The following COBLL1 variants were observed in gnomAD, a reference collection of about 807,000 sequenced individuals.
COBLL1 encodes cordon-bleu WH2 repeat protein like 1, also known as cordon-bleu protein-like 1.
In COBLL1, 50 loss-of-function variants were observed where a neutral mutation model predicts 94.8. The observed-to-expected ratio is 0.53, with a 90% CI of 0.42 to 0.67. COBLL1 has a LOEUF of 0.67. COBLL1 is among the 30% of genes least tolerant of loss of function. The pLI, the probability that COBLL1 is intolerant of heterozygous loss-of-function variation, is 0.00. For synonymous variants in COBLL1, 448 were observed against 473.8 expected, an observed-to-expected ratio of 0.95 and a Z score of 0.71; for missense variants, 1,362 against 1,348.7, an observed-to-expected ratio of 1.01 and a Z score of -0.15.
chr2:164,665,241 GA>G (rs1691136459), intron 2 of COBLL1, among the ~76,000 whole-genome samples: 1 of 149,898 alleles, frequency 6.7e-6, no homozygotes, highest in South Asian at 2.1e-4. Flanking sequence ...TGAGACATGA[GA>G]ATCATTTGAA....
chr2:164,693,245 T>C (rs1450437263), intron 12 of COBLL1, among the ~76,000 whole-genome samples: 1 of 152,150 alleles, frequency 6.6e-6, no homozygotes, highest in Non-Finnish European at 1.5e-5. Flanking sequence ...AAGTAAAGAA[T>C]TAATCTTTGT....
At chr2:164,753,014 C>G (rs765020310) in intron 2 of COBLL1, among the ~76,000 whole-genome samples, 4 of 152,154 alleles carry the variant, frequency 2.6e-5, no homozygotes, top group Non-Finnish European at 5.9e-5. Flanking sequence ...AGTGGCTGCA[C>G]TAATTTACAA....
Position 164,722,435 on chromosome 2 carries a change from T to C in COBLL1, c.749A>G (p.Lys250Arg). 6.6e-7 allele frequency: 1 copy of C among 1,523,686 alleles called. No individual in the cohort carries two copies. The highest frequency in any genetic ancestry group is 8.8e-7 in the Non-Finnish European group (1 of 1,136,552). 94.4% of individuals were successfully genotyped at this position (1,523,686 alleles called of 1,614,324 possible). A position where few individuals can be genotyped will look rare whatever the true frequency, so the allele number is the denominator to read the frequency against. Residue 250 changes from lysine (K) to arginine (R), a missense_variant, in exon 6 of 14, where the codon AAG becomes AGG. Transcript: ENST00000652658. ...TAAGAAAATACTTACTTGGTCTCGCTTTTTCTTACTGCGTTGAAAAAAACT... is the reference window on the plus strand; with the variant it reads ...TAAGAAAATACTTACTTGGTCTCGCCTTTTCTTACTGCGTTGAAAAAAACT... ...FFSFFQRSKK[K>R]RDQTASAPAT...
chr2:164,714,154 AACACACAC>A lies in COBLL1; in HGVS notation c.996+7913_996+7920del, dbSNP rs10563101. The stretch of plus-strand genomic sequence containing the variant: ...CCCTTGTCTAGGCACAATAGAAAGA[AACACACAC>A]ACACACACACACACACACATTAAAA... On this transcript the variant is annotated intron_variant, in intron 7 of 13. Coordinates refer to ENST00000652658, the MANE Select transcript of COBLL1 (RefSeq NM_001365672.2). 3.7e-3 allele frequency among the ~76,000 whole-genome samples: 550 copies of A among 148,472 alleles called. 2 individuals are homozygous for A. Among genetic ancestry groups the A allele is most frequent in the Admixed American group, 7.2e-3 (107 of 14,768 alleles).
At chr2:164,716,379 T>A (rs1685172330) in intron 7 of COBLL1, among the ~76,000 whole-genome samples, 1 of 152,130 alleles carries the variant, frequency 6.6e-6, no homozygotes, top group Admixed American at 6.6e-5. Context: ...AAATCATATT[T>A]AAAAAATGCT....
At chr2:164,783,557 C>G (rs1330624179) in intron 2 of COBLL1, among the ~76,000 whole-genome samples, 1 of 152,068 alleles carries the variant, frequency 6.6e-6, no homozygotes, top group Non-Finnish European at 1.5e-5. Context: ...CTGGGCTGGC[C>G]AGACCCAAAC....
Position 164,699,489 on chromosome 2 carries a change from T to C in COBLL1, c.1471A>G (p.Ser491Gly), listed in dbSNP as rs1339018108. ...CCATTGCTTGTATCATATACTACAC[T>C]GTGTGGTTCTCTGGAAGATACGACA... ...TKSTDGQEPHSVVYDTSNGKK... is the reference protein window; with the variant it reads ...TKSTDGQEPHGVVYDTSNGKK... Residue 491 changes from serine to glycine, a missense_variant, in exon 11 of 14, where the codon AGT becomes GGT. Coordinates refer to ENST00000652658, the MANE Select transcript of COBLL1 (RefSeq NM_001365672.2). 6.2e-7 allele frequency: 1 copy of C among 1,606,764 alleles called. No individual in the cohort carries two copies. The highest frequency in any genetic ancestry group is 8.5e-7 in the Non-Finnish European group (1 of 1,173,634).
intron 7 of COBLL1, among the ~76,000 whole-genome samples, chr2:164,711,380 T>C (rs937762019): frequency 5.9e-5 from 9 of 152,194 alleles, no homozygotes; most frequent in Admixed American, 1.3e-4. Context: ...GTATTTAAGA[T>C]TGTACTCTCT....
chr2:164,802,264 G>T (rs1683847231), intron 2 of COBLL1, among the ~76,000 whole-genome samples: 1 of 152,124 alleles, frequency 6.6e-6, no homozygotes, highest in Non-Finnish European at 1.5e-5. Flanking sequence ...ACAACATTTG[G>T]CACAATATCT....
chr2:164,744,590 TG>T (rs1271289871), intron 2 of COBLL1, among the ~76,000 whole-genome samples: 3 of 151,776 alleles, frequency 2.0e-5, no homozygotes, highest in Admixed American at 6.6e-5. Context: ...GGCAGACAGG[TG>T]GGGGGATCCA....
chr2:164,733,096 A>C (rs1686106448), intron 3 of COBLL1, among the ~76,000 whole-genome samples: 1 of 152,110 alleles, frequency 6.6e-6, no homozygotes, highest in Non-Finnish European at 1.5e-5. Context: ...AAAATTATTA[A>C]AGTTTTGTTT....
intron 2 of COBLL1, among the ~76,000 whole-genome samples, chr2:164,828,698 G>A (rs1003236049): frequency 6.6e-6 from 1 of 152,160 alleles, no homozygotes; most frequent in Non-Finnish European, 1.5e-5. Context: ...TGGCCAGCGT[G>A]ACTAAGAAAC....
At chr2:164,783,906 C>T (rs760747893) in intron 2 of COBLL1, among the ~76,000 whole-genome samples, 6 of 152,132 alleles carry the variant, frequency 3.9e-5, no homozygotes, top group Non-Finnish European at 7.4e-5. Context: ...ATCGAGCCTT[C>T]AGTAAGCCAT....
intron 9 of COBLL1, among the ~76,000 whole-genome samples, chr2:164,701,584 C>T: frequency 6.6e-6 from 1 of 151,878 alleles, no homozygotes; most frequent in Non-Finnish European, 1.5e-5. Context: ...GCTTTTTTTC[C>T]ACTTACAATA....
At chr2:164,817,093 A>G (rs1684792192) in intron 2 of COBLL1, among the ~76,000 whole-genome samples, 1 of 152,200 alleles carries the variant, frequency 6.6e-6, no homozygotes, top group African/African-American at 2.4e-5. Flanking sequence ...TCAGTGGGGA[A>G]CACTGTAGAA....
chr2:164,807,657 T>C (rs1684244547), intron 2 of COBLL1, among the ~76,000 whole-genome samples: 1 of 152,114 alleles, frequency 6.6e-6, no homozygotes, highest in East Asian at 1.9e-4. Flanking sequence ...TTAATAGTAT[T>C]AGCATTGTTT....
Position 164,722,538 on chromosome 2 carries a change from A to G in COBLL1, c.662-16T>C. On this transcript the variant is annotated splice_polypyrimidine_tract_variant and intron_variant, in intron 5 of 13. Transcript: ENST00000652658. ...TGGCAGGACTCTAAAATAGAAGAAA[A>G]GCATCTTACTTTTGTATGTGAGGTT... 1.5e-6 allele frequency: 2 copies of G among 1,357,764 alleles called. No individual in the cohort carries two copies. Among genetic ancestry groups the G allele is most frequent in the Non-Finnish European group, 2.0e-6 (2 of 1,003,978 alleles). The allele number at this position is 1,357,764 out of a possible 1,614,324, so 84.1% of individuals were successfully genotyped here. A position where few individuals can be genotyped will look rare whatever the true frequency, so the allele number is the denominator to read the frequency against.
intron 9 of COBLL1, chr2:164,703,485 T>C: frequency 2.4e-6 from 1 of 409,282 alleles, no homozygotes; most frequent in Non-Finnish European, 4.6e-6. Flanking sequence ...ACATTTCCTT[T>C]GTGGAAAAAA....
intron 2 of COBLL1, among the ~76,000 whole-genome samples, chr2:164,804,048 T>C (rs1331992379): frequency 7.4e-6 from 1 of 134,350 alleles, no homozygotes; most frequent in African/African-American, 2.9e-5. Context: ...TAGTAGGAGA[T>C]AAGGCTAGGG....
Sources: gnomAD v4.1 joint callset for allele counts (sites outside exome capture counted in the v4.1 genomes callset) on GRCh38, gnomAD v4.1.1 for gene constraint, MANE v1.5 for transcripts, NCBI Gene and HGNC (gene_info 2026-07-23, HGNC 2026-07-21) for gene names.